The following SLC9A9 variants were observed in gnomAD, a reference collection of about 807,000 sequenced individuals.
The protein encoded by SLC9A9 is sodium/hydrogen exchanger 9.
A neutral mutation model predicts 77.8 loss-of-function variants in SLC9A9; 62 were observed. The observed-to-expected ratio is 0.80, with a 90% CI of 0.65 to 0.98. The LOEUF (loss-of-function observed/expected upper bound fraction) is 0.98, where lower values mean the gene tolerates loss of function less well. SLC9A9 is among the 50% of genes least tolerant of loss of function. The probability of loss-of-function intolerance (pLI) is 0.00; values close to 1 mark genes in which losing one functional copy is unlikely to be tolerated. For synonymous variants in SLC9A9, 320 were observed against 283.5 expected, an observed-to-expected ratio of 1.13 and a Z score of -1.29; for missense variants, 775 against 774.9, an observed-to-expected ratio of 1.00 and a Z score of 0.00.
chr3:143,398,112 C>T (rs2033771132), intron 12 of SLC9A9, among the ~76,000 whole-genome samples: 1 of 152,134 alleles, frequency 6.6e-6, no homozygotes, highest in Admixed American at 6.5e-5. Flanking sequence ...CCCGCCACCA[C>T]CTTACCACCA....
intron 10 of SLC9A9, among the ~76,000 whole-genome samples, chr3:143,494,177 T>C: frequency 6.6e-6 from 1 of 152,242 alleles, no homozygotes; most frequent in East Asian, 1.9e-4. Flanking sequence ...ACCATCTTCC[T>C]TCTTATCAGT....
intron 9 of SLC9A9, chr3:143,503,634 G>A (rs1215852650): frequency 4.4e-6 from 2 of 450,834 alleles, no homozygotes; most frequent in Non-Finnish European, 8.9e-6. Flanking sequence ...CCCATGCCTT[G>A]GCAGTGCCAG....
chr3:143,295,948 T>C (rs544012523), intron 14 of SLC9A9, among the ~76,000 whole-genome samples: 1 of 152,302 alleles, frequency 6.6e-6, no homozygotes, highest in Non-Finnish European at 1.5e-5. Flanking sequence ...CTTTCTGGTA[T>C]TGTGGATCTT....
chr3:143,381,496 G>A (rs2108498137), intron 13 of SLC9A9: 1 of 156,922 alleles, frequency 6.4e-6, no homozygotes, highest in South Asian at 1.9e-4. Context: ...TCTTGGGTAT[G>A]TCTTCATCAG....
At chr3:143,576,226 C>CA (rs2037356383) in intron 7 of SLC9A9, among the ~76,000 whole-genome samples, 1 of 152,336 alleles carries the variant, frequency 6.6e-6, no homozygotes, top group African/African-American at 2.4e-5. Flanking sequence ...TTAATTGTCT[C>CA]AGTTTCCTTA....
At chr3:143,474,020 G>T (rs1298963621) in intron 11 of SLC9A9, among the ~76,000 whole-genome samples, 2 of 152,072 alleles carry the variant, frequency 1.3e-5, no homozygotes, top group African/African-American at 4.8e-5. Context: ...GTGAGGGGAG[G>T]GATGTTAGCA....
At chr3:143,560,309 T>C (rs1421893282) in intron 8 of SLC9A9, among the ~76,000 whole-genome samples, 1 of 152,200 alleles carries the variant, frequency 6.6e-6, no homozygotes, top group African/African-American at 2.4e-5. Flanking sequence ...AACTCACCCT[T>C]GCTAAGAGTT....
At chr3:143,820,897 T>C (rs746818479) in intron 2 of SLC9A9, among the ~76,000 whole-genome samples, 48 of 149,404 alleles carry the variant, frequency 3.2e-4, no homozygotes, top group Non-Finnish European at 5.8e-4. Context: ...TCCTAGTCTT[T>C]CTTTGTCTTA....
intron 14 of SLC9A9, among the ~76,000 whole-genome samples, chr3:143,331,563 C>G (rs556298287): frequency 6.6e-6 from 1 of 152,222 alleles, no homozygotes; most frequent in Admixed American, 6.5e-5. Context: ...TCAGAATGAG[C>G]CCAGATTACT....
chr3:143,428,747 A>C (rs1248787126), intron 12 of SLC9A9, among the ~76,000 whole-genome samples: 1 of 152,204 alleles, frequency 6.6e-6, no homozygotes, highest in African/African-American at 2.4e-5. Context: ...ACGAATATTA[A>C]CCATAAAACA....
chr3:143,687,451 G>A (rs376789069), intron 5 of SLC9A9, among the ~76,000 whole-genome samples: 21 of 152,124 alleles, frequency 1.4e-4, no homozygotes, highest in Non-Finnish European at 2.9e-4. Flanking sequence ...GGTTCGGCAT[G>A]TTTTAATATA....
chr3:143,317,687 C>T (rs2031263025), intron 14 of SLC9A9, among the ~76,000 whole-genome samples: 1 of 39,692 alleles, frequency 2.5e-5, no homozygotes, highest in South Asian at 4.5e-4. Flanking sequence ...TTCTATGTTC[C>T]ATTTTCCTTA....
intron 9 of SLC9A9, among the ~76,000 whole-genome samples, chr3:143,525,116 G>A (rs916711823): frequency 6.6e-6 from 1 of 152,154 alleles, no homozygotes; most frequent in Non-Finnish European, 1.5e-5. Flanking sequence ...GAAATAGCGA[G>A]CCTAGGCAAA....
intron 6 of SLC9A9, among the ~76,000 whole-genome samples, chr3:143,630,347 A>G (rs545400510): frequency 3.3e-5 from 5 of 152,352 alleles, no homozygotes; most frequent in African/African-American, 4.8e-5. Flanking sequence ...AGAACTGCAG[A>G]GCTGCTCTAG....
At chr3:143,509,319 T>C (rs1271971066) in intron 9 of SLC9A9, among the ~76,000 whole-genome samples, 1 of 152,210 alleles carries the variant, frequency 6.6e-6, no homozygotes, top group Non-Finnish European at 1.5e-5. Context: ...GAAAATTATG[T>C]TTGCTTAACT....
At chr3:143,639,036 G>A (rs771127539) in intron 6 of SLC9A9, among the ~76,000 whole-genome samples, 14 of 152,182 alleles carry the variant, frequency 9.2e-5, no homozygotes, top group Non-Finnish European at 1.6e-4. Context: ...TGAAATAAAA[G>A]ACATTTTCTT....
In SLC9A9 at chr3:143,832,137, G is replaced by T. The variant is rs780567705; in HGVS notation, c.260C>A (p.Thr87Asn). ...SGTVYDCVKLTFSPSTLLVNI... is the reference protein window; with the variant it reads ...SGTVYDCVKLNFSPSTLLVNI... ...AACCAGCAGAGTTGATGGACTGAAA[G>T]TTAGTTTTACACAGTCATAGACAGT... Residue 87 changes from threonine to asparagine, a missense_variant, in exon 2 of 16, where the codon ACT becomes AAT. Physicochemically the swap from Thr to Asn is moderately conservative, Grantham distance 65 (BLOSUM62 0). Coordinates refer to ENST00000316549, the MANE Select transcript of SLC9A9 (RefSeq NM_173653.4). The T allele has an allele frequency of 6.2e-7, 1 of 1,613,250 alleles. No individual in the cohort carries two copies. The highest frequency in any genetic ancestry group is 8.5e-7 in the Non-Finnish European group (1 of 1,179,596).
intron 14 of SLC9A9, among the ~76,000 whole-genome samples, chr3:143,271,690 G>A (rs759296461): frequency 2.0e-5 from 3 of 152,140 alleles, no homozygotes; most frequent in Non-Finnish European, 4.4e-5. Flanking sequence ...TATTGTTCAG[G>A]GGGCTAGCAT....
rs568330803 is a variant in SLC9A9, at chr3:143,808,015, T to G, written c.379-11112A>C. Among the ~76,000 whole-genome samples the G allele has an allele frequency of 2.6e-5, 4 of 151,884 alleles. No individual in the cohort carries two copies. The East Asian group carries it at 5.8e-4, about 22-fold the overall frequency. ...GGTGAGAGAGGATGGTGGCCGGGAG[T>G]TGGGGAGAGAAGGCAGTACCCAAGT... On this transcript the variant is annotated intron_variant, in intron 2 of 15. Coordinates refer to ENST00000316549, the MANE Select transcript of SLC9A9 (RefSeq NM_173653.4).
Sources: allele counts gnomAD v4.1 joint callset (sites outside exome capture counted in the v4.1 genomes callset), GRCh38; gene constraint gnomAD v4.1.1; transcripts MANE v1.5; gene names NCBI Gene and HGNC (gene_info 2026-07-23, HGNC 2026-07-21).